The following ANO2 variants were observed in gnomAD, a reference collection of about 807,000 sequenced individuals.
The protein encoded by ANO2 is anoctamin 2.
In ANO2, 101 loss-of-function variants were observed where a neutral mutation model predicts 124.2. The ratio of observed to expected loss-of-function variants is 0.81; its 90% confidence interval spans 0.69 to 0.96. ANO2 has a LOEUF of 0.96. Ranked by LOEUF, ANO2 falls within the 40% of genes least tolerant of loss-of-function variation. ANO2 has a pLI of 0.00. For missense variants in ANO2, 1,293 were observed against 1,274.5 expected, an observed-to-expected ratio of 1.01 and a Z score of -0.22; for synonymous variants, 486 against 482.5, an observed-to-expected ratio of 1.01 and a Z score of -0.09.
intron 12 of ANO2, chr12:5,740,141 C>G (rs1465151024): frequency 2.7e-6 from 1 of 368,582 alleles, no homozygotes; most frequent in African/African-American, 2.1e-5. Context: ...AACCCTACAG[C>G]CATGGTTTGT....
intron 16 of ANO2, among the ~76,000 whole-genome samples, chr12:5,615,705 G>C (rs1944769194): frequency 6.6e-6 from 1 of 152,072 alleles, no homozygotes; most frequent in South Asian, 2.1e-4. Context: ...TGGTCAAAAA[G>C]CTTATTAGCC....
intron 14 of ANO2, among the ~76,000 whole-genome samples, chr12:5,724,922 A>G (rs1950377018): frequency 1.3e-5 from 2 of 152,234 alleles, no homozygotes; most frequent in South Asian, 4.1e-4. Context: ...TATGTTTCAT[A>G]GAAGTATGAA....
At chr12:5,821,203 C>A (rs1168379396) in intron 7 of ANO2, among the ~76,000 whole-genome samples, 2 of 152,184 alleles carry the variant, frequency 1.3e-5, no homozygotes, top group African/African-American at 4.8e-5. Flanking sequence ...AAAAATCTGA[C>A]TAAAATTCAG....
intron 15 of ANO2, among the ~76,000 whole-genome samples, chr12:5,647,394 C>T (rs1470286963): frequency 1.3e-5 from 2 of 152,202 alleles, no homozygotes; most frequent in African/African-American, 4.8e-5. Flanking sequence ...GGCTTCCAGA[C>T]CCTGGTCTAT....
intron 16 of ANO2, among the ~76,000 whole-genome samples, chr12:5,627,922 C>T (rs190128857): frequency 1.3e-5 from 2 of 151,544 alleles, no homozygotes; most frequent in African/African-American, 4.8e-5. Context: ...ATGAGATCCC[C>T]TTCTCTACAA....
intron 20 of ANO2, 99 bp downstream of exon 20, chr12:5,599,385 T>G (rs1591703485): frequency 5.1e-6 from 7 of 1,379,788 alleles, no homozygotes; most frequent in Non-Finnish European, 5.9e-6. Flanking sequence ...GCAGAGGCTG[T>G]CCCAGTCATT....
At chr12:5,804,995 C>G (rs1172438254) in intron 9 of ANO2, among the ~76,000 whole-genome samples, 2 of 152,062 alleles carry the variant, frequency 1.3e-5, no homozygotes. Context: ...CATGCTTCCT[C>G]CTTTTCCTTT....
At chr12:5,610,174 TATAA>T (rs1289046029) in intron 19 of ANO2, among the ~76,000 whole-genome samples, 108 of 73,574 alleles carry the variant, frequency 1.5e-3, no homozygotes, top group Non-Finnish European at 2.5e-3. Flanking sequence ...ATATTACTTA[TATAA>T]ATACTTATAT....
At chr12:5,712,601 T>C (rs1027705238) in intron 14 of ANO2, among the ~76,000 whole-genome samples, 4 of 152,134 alleles carry the variant, frequency 2.6e-5, no homozygotes, top group African/African-American at 9.7e-5. Context: ...TATGAGAGAA[T>C]GAACTTGTGT....
chr12:5,632,859 T>G (rs1281626412), intron 16 of ANO2, among the ~76,000 whole-genome samples: 2 of 152,168 alleles, frequency 1.3e-5, no homozygotes, highest in African/African-American at 4.8e-5. Context: ...TTTCTGTCCC[T>G]CTTTTCCCTA....
At chr12:5,566,499 G>C (rs1941768958) in intron 23 of ANO2, among the ~76,000 whole-genome samples, 1 of 152,106 alleles carries the variant, frequency 6.6e-6, no homozygotes, top group Non-Finnish European at 1.5e-5. Context: ...GCTGGTACCA[G>C]AACTATGACC....
intron 17 of ANO2, among the ~76,000 whole-genome samples, chr12:5,613,498 A>G (rs1294073918): frequency 6.6e-6 from 1 of 152,190 alleles, no homozygotes; most frequent in African/African-American, 2.4e-5. Context: ...AGTAGAGTCT[A>G]TTTTATTGGG....
chr12:5,861,389 CCTAGCAGGGACT>C, intron 3 of ANO2, among the ~76,000 whole-genome samples: 2 of 16,378 alleles, frequency 1.2e-4, no homozygotes, highest in Non-Finnish European at 5.0e-4. Context: ...ACTCCAGGCC[CCTAGCAGGGACT>C]GGAGGTCGCG....
intron 10 of ANO2, among the ~76,000 whole-genome samples, chr12:5,783,296 A>C (rs541826950): frequency 7.9e-5 from 12 of 152,256 alleles, no homozygotes; most frequent in African/African-American, 2.9e-4. Flanking sequence ...TGATTCTCTT[A>C]TCTCTCAAAG....
chr12:5,609,064 G>C (rs1294465285), intron 19 of ANO2: 8 of 152,156 alleles, frequency 5.3e-5, no homozygotes, highest in Admixed American at 1.3e-4. Flanking sequence ...ATGCGGCTTT[G>C]GTACCATCTG....
chr12:5,618,603 C>A (rs1944957973), intron 16 of ANO2, among the ~76,000 whole-genome samples: 2 of 152,188 alleles, frequency 1.3e-5, no homozygotes, highest in South Asian at 4.1e-4. Context: ...TTAACAACAC[C>A]ACTTTTTGCA....
chr12:5,567,092 A>G (rs947708700), intron 23 of ANO2, among the ~76,000 whole-genome samples: 2 of 152,230 alleles, frequency 1.3e-5, no homozygotes, highest in African/African-American at 4.8e-5. Context: ...GAAAGACACA[A>G]CTGAGAGGTG....
intron 3 of ANO2, among the ~76,000 whole-genome samples, chr12:5,903,320 T>A (rs1022363200): frequency 6.6e-6 from 1 of 152,160 alleles, no homozygotes; most frequent in Admixed American, 6.5e-5. Context: ...GAGCTTCTGA[T>A]ATATGCCAGG....
chr12:5,591,959 G>A (rs1305065469), intron 20 of ANO2, among the ~76,000 whole-genome samples: 12 of 152,166 alleles, frequency 7.9e-5, no homozygotes, highest in Admixed American at 7.8e-4. Flanking sequence ...ATCTCACCCT[G>A]TCCACTAACA....
Sources: allele counts gnomAD v4.1 joint callset (sites outside exome capture counted in the v4.1 genomes callset), GRCh38; gene constraint gnomAD v4.1.1; transcripts MANE v1.5; gene names NCBI Gene and HGNC (gene_info 2026-07-23, HGNC 2026-07-21).